Variants in LIFR observed in about 807,000 individuals in gnomAD.
LIFR encodes leukemia inhibitory factor receptor.
Under a neutral mutation model 122.2 loss-of-function variants are expected in LIFR, and 84 were observed. That is an observed-to-expected ratio of 0.69 (90% confidence interval 0.58 to 0.82). The LOEUF is 0.82. Among genes scored for constraint, LIFR ranks in the 40% least tolerant of loss-of-function variants. The pLI is 0.00. For missense variants in LIFR, 1,294 were observed against 1,311.6 expected, an observed-to-expected ratio of 0.99 and a Z score of 0.21; for synonymous variants, 422 against 434.7, an observed-to-expected ratio of 0.97 and a Z score of 0.36.
chr5:38,509,292 T>C (rs1200095687), intron 7 of LIFR, among the ~76,000 whole-genome samples: 1 of 152,216 alleles, frequency 6.6e-6, no homozygotes, highest in Non-Finnish European at 1.5e-5. Flanking sequence ...GGACTATTTG[T>C]GAGAAATGTT....
At chr5:38,554,387 T>A (rs1247877333) in intron 1 of LIFR, among the ~76,000 whole-genome samples, 1 of 152,240 alleles carries the variant, frequency 6.6e-6, no homozygotes, top group Admixed American at 6.5e-5. Context: ...CTACTGCCTT[T>A]AGGCCTTTGG....
In LIFR at chr5:38,504,082, A is replaced by G. The variant is rs1419143163; in HGVS notation, c.1331T>C (p.Ile444Thr). 8 of 1,586,470 alleles carry G rather than the reference A, an allele frequency of 5.0e-6. 1 individual carries two copies. Among genetic ancestry groups the G allele is most frequent in the South Asian group, 2.2e-5 (2 of 90,454 alleles). ...HTPTSFKVKD[I>T]NSTAVKLSWH... ...AGAAAGTTTAACAGCTGTTGAATTA[A>G]TATCCTTCACTTTGAATGAAGTAGG... Residue 444 changes from isoleucine to threonine, a missense_variant, in exon 10 of 20, where the codon ATT becomes ACT. Physicochemically the swap from Ile to Thr is moderately conservative, Grantham distance 89. Coordinates refer to ENST00000453190, the MANE Select transcript of LIFR (RefSeq NM_001127671.2).
At chr5:38,545,576 T>C (rs541298609) in intron 1 of LIFR, among the ~76,000 whole-genome samples, 34 of 151,908 alleles carry the variant, frequency 2.2e-4, no homozygotes, top group Non-Finnish European at 4.7e-4. Flanking sequence ...AAAATAACAA[T>C]CCAGGGCAGG....
intron 1 of LIFR, among the ~76,000 whole-genome samples, chr5:38,589,637 G>A (rs539082217): frequency 8.6e-5 from 13 of 151,962 alleles, no homozygotes; most frequent in Middle Eastern, 3.4e-3. Context: ...TGGAAAGTAC[G>A]GAAATGGGAT....
At position 38,499,530 on chromosome 5, in the gene LIFR, A is replaced by T. The variant is rs1745066131; in HGVS notation, c.1654T>A (p.Leu552Ile). 6.2e-7 allele frequency: 1 copy of T among 1,604,444 alleles called. No homozygotes were observed. Among genetic ancestry groups the T allele is most frequent in the East Asian group, 2.2e-5 (1 of 44,824 alleles). Residue 552 changes from leucine (L) to isoleucine (I), a missense_variant, in exon 12 of 20, where the codon TTA (leucine) becomes ATA (isoleucine). By Grantham distance (5) the Leu-to-Ile change is conservative (BLOSUM62 2). Coordinates refer to ENST00000453190, the MANE Select transcript of LIFR (RefSeq NM_001127671.2). Reference protein sequence around the residue: ...WREWSSDGKNLIIYWKPLPIN... With the variant: ...WREWSSDGKNIIIYWKPLPIN... ...ATATTTACCTTCCAATAGATTATTAAATTTTTTCCATCAGAACTCCACTCT... is the reference window on the plus strand; with the variant it reads ...ATATTTACCTTCCAATAGATTATTATATTTTTTCCATCAGAACTCCACTCT...
intron 11 of LIFR, 129 bp downstream of exon 11, chr5:38,502,508 C>T (rs892374507): frequency 1.4e-6 from 1 of 737,724 alleles, no homozygotes; most frequent in Non-Finnish European, 2.4e-6. Flanking sequence ...ATCTGCCCAC[C>T]TCGGCCTCCC....
At chr5:38,525,205 G>C (rs1460238249) in intron 4 of LIFR, among the ~76,000 whole-genome samples, 1 of 152,188 alleles carries the variant, frequency 6.6e-6, no homozygotes, top group Non-Finnish European at 1.5e-5. Flanking sequence ...AAGAAGGTAT[G>C]AGCATGTTCC....
chr5:38,586,464 T>C (rs113038005), intron 1 of LIFR, among the ~76,000 whole-genome samples: 1,794 of 152,284 alleles, frequency 0.012, 37 homozygotes, highest in African/African-American at 0.04. Flanking sequence ...ATTCTAACTG[T>C]AGTTAGAGTG....
chr5:38,508,122 GGACA>G lies in LIFR; in HGVS notation c.992-1494_992-1491del, dbSNP rs1412348280. ...AAGAGCAAATAAGAGATAAATAGAA[GGACA>G]GACAGAAGGGGAAAAATTTGAGAGG... is the stretch of plus-strand genomic sequence containing the variant. On this transcript the variant is annotated intron_variant, in intron 7 of 19. Coordinates refer to ENST00000453190, the MANE Select transcript of LIFR (RefSeq NM_001127671.2). 3.3e-5 allele frequency among the ~76,000 whole-genome samples: 5 copies of G among 152,102 alleles called. No homozygotes were observed. In the South Asian group the frequency reaches 6.2e-4, roughly 19 times the overall value.
chr5:38,510,731 A>T lies in LIFR; in HGVS notation c.737-13T>A. On this transcript the variant is annotated splice_polypyrimidine_tract_variant and intron_variant, in intron 6 of 19. Coordinates refer to ENST00000453190, the MANE Select transcript of LIFR (RefSeq NM_001127671.2). Reference sequence around the variant, plus strand: ...GAATCAGGTATCCCTAGAAAGAAAAAGAGGAATTATAAACATTTTATATAG... The same window carrying T: ...GAATCAGGTATCCCTAGAAAGAAAATGAGGAATTATAAACATTTTATATAG... 6.2e-7 allele frequency: 1 copy of T among 1,601,302 alleles called. No homozygotes were observed. The highest frequency in any genetic ancestry group is 8.5e-7 in the Non-Finnish European group (1 of 1,169,744).
chr5:38,499,618 C>T, intron 11 of LIFR, 35 bp from the exon 12 acceptor site: 3 of 1,383,894 alleles, frequency 2.2e-6, no homozygotes, highest in Non-Finnish European at 3.1e-6. Context: ...TATCTGAAGA[C>T]ACATACTATA....
chr5:38,530,199 C>T (rs1309349945), intron 2 of LIFR, among the ~76,000 whole-genome samples: 2 of 152,074 alleles, frequency 1.3e-5, no homozygotes, highest in Non-Finnish European at 2.9e-5. Flanking sequence ...GGGGCTGTTC[C>T]CTATCTTGAT....
At chr5:38,494,909 T>C (rs1377840856) in intron 13 of LIFR, among the ~76,000 whole-genome samples, 1 of 152,216 alleles carries the variant, frequency 6.6e-6, no homozygotes, top group East Asian at 1.9e-4. Context: ...TAGCTATAAC[T>C]GATTTATATT....
upstream of LIFR, among the ~76,000 whole-genome samples, chr5:38,559,885 TTTTTGTAAATGCTA>T (rs1580192432): frequency 6.6e-6 from 1 of 152,258 alleles, no homozygotes; most frequent in East Asian, 1.9e-4. Flanking sequence ...TTTATTTTCT[TTTTTGTAAATGCTA>T]TTGCATTTGA....
At chr5:38,488,583 C>G (rs1744410486) in intron 16 of LIFR, among the ~76,000 whole-genome samples, 1 of 152,202 alleles carries the variant, frequency 6.6e-6, no homozygotes, top group Non-Finnish European at 1.5e-5. Flanking sequence ...CAAGGATTGT[C>G]TGTACTTTTT....
chr5:38,480,045 C>A lies in LIFR; in HGVS notation c.*1550G>T. 4.5e-6 allele frequency: 1 copy of A among 222,732 alleles called. No homozygotes were observed. The allele number at this position is 222,732 out of a possible 1,614,324, so 13.8% of individuals were successfully genotyped here. On this transcript the variant is annotated 3_prime_UTR_variant, in exon 20 of 20. Transcript: ENST00000453190. ...CCACAACATGGTTTTTAAAAAGATA[C>A]AATATGAGCTTCAAAAAAAATTAAT... is the stretch of plus-strand genomic sequence containing the variant.
intron 5 of LIFR, among the ~76,000 whole-genome samples, chr5:38,515,167 T>C (rs913872939): frequency 4.6e-5 from 7 of 152,138 alleles, no homozygotes; most frequent in Non-Finnish European, 1.0e-4. Flanking sequence ...TAGGTATTAA[T>C]CCATTCAAAC....
At chr5:38,493,899 T>C (rs1385668683) in intron 13 of LIFR, 114 bp from the exon 14 acceptor site, 1 of 850,568 alleles carries the variant, frequency 1.2e-6, no homozygotes, top group South Asian at 1.5e-5. Context: ...AATTATAAAA[T>C]AGTGCTCAAA....
At chr5:38,515,757 A>T (rs191555499) in intron 5 of LIFR, among the ~76,000 whole-genome samples, 1 of 152,138 alleles carries the variant, frequency 6.6e-6, no homozygotes, top group Non-Finnish European at 1.5e-5. Flanking sequence ...GGTCGTTTCC[A>T]GGGAAAGTCA....
Sources: allele counts gnomAD v4.1 joint callset (sites outside exome capture counted in the v4.1 genomes callset), GRCh38; gene constraint gnomAD v4.1.1; transcripts MANE v1.5; gene names NCBI Gene and HGNC (gene_info 2026-07-23, HGNC 2026-07-21).